CENPN: variants seen among roughly 807,000 people sequenced by gnomAD.
CENPN encodes centromere protein N, also known as interphase centromere complex protein 32.
In CENPN, 36 loss-of-function variants were observed where a neutral mutation model predicts 48.6. That is an observed-to-expected ratio of 0.74 (90% CI 0.57 to 0.98). The LOEUF is 0.98. CENPN is among the 50% of genes least tolerant of loss of function. The pLI, the probability that CENPN is intolerant of heterozygous loss-of-function variation, is 0.00. For synonymous variants in CENPN, 166 were observed against 135.2 expected (o/e 1.23, Z -1.58); for missense variants, 439 against 399.2 (o/e 1.10, Z -0.85).
chr16:81,018,171 A>C (rs900333577), intron 5 of CENPN, among the ~76,000 whole-genome samples: 6 of 151,136 alleles, frequency 4.0e-5, no homozygotes, highest in Admixed American at 1.3e-4. Context: ...TGAATTTTTA[A>C]TCTTTTTTTT....
chr16:81,009,260 A>C (rs1239167785), intron 1 of CENPN, among the ~76,000 whole-genome samples: 2 of 152,212 alleles, frequency 1.3e-5, no homozygotes, highest in Non-Finnish European at 2.9e-5. Flanking sequence ...TGGGGAAGTA[A>C]CTTTTGGTTG....
chr16:81,022,539 G>C, intron 6 of CENPN, 58 bp from the exon 7 acceptor site: 1 of 1,404,132 alleles, frequency 7.1e-7, no homozygotes, highest in South Asian at 1.2e-5. Context: ...ACTTTGACAA[G>C]TATTATAAAC....
chr16:81,025,329 G>A (rs952840982), intron 8 of CENPN, among the ~76,000 whole-genome samples: 1 of 152,102 alleles, frequency 6.6e-6, no homozygotes, highest in African/African-American at 2.4e-5. Flanking sequence ...AGAGAAAAGA[G>A]TACAGAACTA....
At position 81,022,651 on chromosome 16, in the gene CENPN, C is replaced by A; in HGVS notation, c.586C>A (p.Arg196=). 6.2e-7 allele frequency: 1 copy of A among 1,613,964 alleles called. No homozygotes were observed. The highest frequency in any genetic ancestry group is 1.1e-5 in the South Asian group (1 of 91,036). Residue 196 remains arginine (R), a synonymous_variant, in exon 7 of 11, where the codon CGG becomes AGG. Transcript: ENST00000305850. Reference sequence around the variant, plus strand: ...GATTGTGAAAATGGACCTGAGAAGTCGGTATCTGGACTCTCTTAAGGCTAT... The same window carrying A: ...GATTGTGAAAATGGACCTGAGAAGTAGGTATCTGGACTCTCTTAAGGCTAT... ...HQIVKMDLRS[R]YLDSLKAIVF... is the part of the protein sequence containing the mutation.
At chr16:81,009,294 G>A (rs1567545722) in intron 1 of CENPN, among the ~76,000 whole-genome samples, 1 of 152,188 alleles carries the variant, frequency 6.6e-6, no homozygotes, top group African/African-American at 2.4e-5. Flanking sequence ...AGTCTGAGGA[G>A]AAACCATCTA....
downstream of CENPN, among the ~76,000 whole-genome samples, chr16:81,031,656 C>T (rs146505229): frequency 2.6e-5 from 4 of 152,332 alleles, no homozygotes; most frequent in Non-Finnish European, 4.4e-5. Flanking sequence ...ATTCTGTTTA[C>T]GAGTTGTCTC....
chr16:81,017,904 A>G (rs569042742), intron 5 of CENPN, 70 bp downstream of exon 5: 14 of 891,518 alleles, frequency 1.6e-5, no homozygotes, highest in South Asian at 1.1e-4. Context: ...ATTTGCTACT[A>G]TCATAGTTTT....
At chr16:81,025,307 C>G (rs1212707925) in intron 8 of CENPN, among the ~76,000 whole-genome samples, 1 of 152,082 alleles carries the variant, frequency 6.6e-6, no homozygotes, top group African/African-American at 2.4e-5. Flanking sequence ...AAGTCTCTCA[C>G]TAGAAAACCC....
chr16:81,032,105 A>C (rs1970800861), downstream of CENPN, among the ~76,000 whole-genome samples: 1 of 150,976 alleles, frequency 6.6e-6, no homozygotes, highest in African/African-American at 2.4e-5. Context: ...TTCTTGCCTC[A>C]ACCAAGGGCA....
chr16:81,024,723 AACTC>A lies in CENPN; in HGVS notation c.645_648del (p.His216ThrfsTer13). ...CACTTTTTTTTCCCTAGACCTTTGA[AACTC>A]ACAACTCTACGACACCTCTACAGGA... On this transcript the variant is annotated frameshift_variant, in exon 8 of 11. Coordinates refer to ENST00000305850, the MANE Select transcript of CENPN (RefSeq NM_001100624.3). LOFTEE classifies it high-confidence loss of function. 6.2e-7 allele frequency: 1 copy of A among 1,608,288 alleles called. No individual in the cohort carries two copies.
At chr16:81,024,249 A>G (rs1385587479) in intron 7 of CENPN, 1 of 152,776 alleles carries the variant, frequency 6.5e-6, no homozygotes, top group Non-Finnish European at 1.5e-5. Context: ...AAAAAAAAAA[A>G]AAAGACAGTG....
Position 81,028,731 on chromosome 16 carries a change from TC to T in CENPN, c.*82del. On this transcript the variant is annotated 3_prime_UTR_variant, in exon 11 of 11. Coordinates refer to ENST00000305850, the MANE Select transcript of CENPN (RefSeq NM_001100624.3). ...TCAGTTCATGGCTAGCTGTATAGCT[TC>T]CGTCTGTAAACTTGTATTTTCAAGA... 1 of 1,528,308 alleles carries T rather than the reference TC, an allele frequency of 6.5e-7. No individual in the cohort carries two copies. The highest frequency in any genetic ancestry group is 8.7e-7 in the Non-Finnish European group (1 of 1,144,750). The allele number at this position is 1,528,308 out of a possible 1,614,324, so 94.7% of individuals were successfully genotyped here.
At chr16:81,025,771 C>A (rs2151707432) in intron 8 of CENPN, among the ~76,000 whole-genome samples, 1 of 147,840 alleles carries the variant, frequency 6.8e-6, no homozygotes, top group East Asian at 2.0e-4. Context: ...AGCATGATTT[C>A]AGCTCACTGC....
chr16:81,024,234 T>C (rs1221322787), intron 7 of CENPN: 3 of 151,352 alleles, frequency 2.0e-5, no homozygotes, highest in African/African-American at 7.3e-5. Context: ...ACTGAGATAT[T>C]GTCTAAAAAA....
At chr16:81,014,243 C>A (rs1345551310) in intron 3 of CENPN, 62 bp downstream of exon 3, 2 of 1,448,164 alleles carry the variant, frequency 1.4e-6, no homozygotes, top group Non-Finnish European at 1.9e-6. Context: ...AATTTTGTTT[C>A]TTTCTTTGTG....
At chr16:81,032,643 CT>C (rs1467097061), downstream of CENPN, 10 of 1,613,682 alleles carry the variant, frequency 6.2e-6, no homozygotes, top group African/African-American at 1.3e-4. Context: ...ACCCGAGCAG[CT>C]GGCAGAAGGA....
At position 81,030,429 on chromosome 16, in the gene CENPN, A is replaced by G. The variant is rs566502059; in HGVS notation, c.*1778A>G. The G allele has an allele frequency of 1.0e-6, 1 of 983,228 alleles. No homozygotes were observed. Among genetic ancestry groups the G allele is most frequent in the African/African-American group, 1.7e-5 (1 of 57,286 alleles). The allele number at this position is 983,228 out of a possible 1,614,324, so 60.9% of individuals were successfully genotyped here. On this transcript the variant is annotated 3_prime_UTR_variant, in exon 11 of 11. Transcript: ENST00000305850. ...AGGGGGTTTCCCCCACACATTAAGC[A>G]AGTGTGAAACATGATATAGAAAAAT...
At position 81,030,057 on chromosome 16, in the gene CENPN, C is replaced by T. The variant is rs1970701722; in HGVS notation, c.*1406C>T. ...AGGGAAACTCCCATTTATAAAACCA[C>T]CAGAGCTCATGAAACTTATTCACTA... On this transcript the variant is annotated 3_prime_UTR_variant, in exon 11 of 11. Coordinates refer to ENST00000305850, the MANE Select transcript of CENPN (RefSeq NM_001100624.3). The T allele has an allele frequency of 3.6e-6, 1 of 278,748 alleles. No homozygotes were observed. Among genetic ancestry groups the T allele is most frequent in the Non-Finnish European group, 5.4e-6 (1 of 184,208 alleles). 17.3% of individuals were successfully genotyped at this position (278,748 alleles called of 1,614,324 possible).
chr16:81,017,828 A>G lies in CENPN; in HGVS notation c.348A>G (p.Leu116=). The G allele has an allele frequency of 6.6e-7, 1 of 1,518,646 alleles. No individual in the cohort carries two copies. Among genetic ancestry groups the G allele is most frequent in the Non-Finnish European group, 9.0e-7 (1 of 1,106,262 alleles). 94.1% of individuals were successfully genotyped at this position (1,518,646 alleles called of 1,614,324 possible). ...NSFKKILQRA[L]KNVTVSFRET... Reference sequence around the variant, plus strand: ...TCAAGAAAATTCTTCAGAGAGCATTAAAAAATGTAAGAATAAAATTCATCT... The same window carrying G: ...TCAAGAAAATTCTTCAGAGAGCATTGAAAAATGTAAGAATAAAATTCATCT... The change falls in exon 5 of 11, where the codon TTA becomes TTG. Residue 116 remains leucine (L), a synonymous_variant. Coordinates refer to ENST00000305850, the MANE Select transcript of CENPN (RefSeq NM_001100624.3).
Sources: allele counts gnomAD v4.1 joint callset (sites outside exome capture counted in the v4.1 genomes callset), GRCh38; gene constraint gnomAD v4.1.1; transcripts MANE v1.5; gene names NCBI Gene and HGNC (gene_info 2026-07-23, HGNC 2026-07-21).